The following ZZEF1 variants were observed in gnomAD, a reference collection of about 807,000 sequenced individuals.
ZZEF1 encodes zinc finger ZZ-type and EF-hand domain-containing protein 1.
A neutral mutation model predicts 342.8 loss-of-function variants in ZZEF1; 157 were observed. The ratio of observed to expected loss-of-function variants is 0.46; its 90% CI spans 0.40 to 0.52. The LOEUF (loss-of-function observed/expected upper bound fraction) is 0.52. Ranked by LOEUF, ZZEF1 falls within the 20% of genes least tolerant of loss-of-function variation. ZZEF1 has a pLI of 0.00. For missense variants in ZZEF1, 3,480 were observed against 3,725.6 expected, an observed-to-expected ratio of 0.93 and a Z score of 1.72; for synonymous variants, 1,505 against 1,429.1, an observed-to-expected ratio of 1.05 and a Z score of -1.20.
At chr17:4,007,121 A>G in intron 54 of ZZEF1, 151 bp from the exon 55 acceptor site, 1 of 675,378 alleles carries the variant, frequency 1.5e-6, no homozygotes. Context: ...CAGAGTGGAG[A>G]GAGAAAAAAA....
At chr17:4,065,850 G>C (rs894312641) in intron 28 of ZZEF1, among the ~76,000 whole-genome samples, 2 of 152,016 alleles carry the variant, frequency 1.3e-5, no homozygotes, top group African/African-American at 4.8e-5. Context: ...TCATAACAAG[G>C]CCAGGTGCAG....
At chr17:4,104,038 T>C (rs1404697600) in intron 8 of ZZEF1, among the ~76,000 whole-genome samples, 1 of 152,144 alleles carries the variant, frequency 6.6e-6, no homozygotes, top group African/African-American at 2.4e-5. Flanking sequence ...TGCACTGCAG[T>C]CTTTTGGGAG....
intron 30 of ZZEF1, among the ~76,000 whole-genome samples, chr17:4,062,115 C>A (rs59572568): frequency 5.3e-5 from 8 of 151,962 alleles, no homozygotes; most frequent in Non-Finnish European, 8.8e-5. Flanking sequence ...TAACTCCCCC[C>A]CTGGAGCCTC....
chr17:4,037,784 T>C (rs879726521), intron 39 of ZZEF1, among the ~76,000 whole-genome samples: 3 of 152,194 alleles, frequency 2.0e-5, no homozygotes, highest in Non-Finnish European at 4.4e-5. Flanking sequence ...AGTCTTGCTA[T>C]GTTTCCCAGG....
chr17:4,065,547 G>A (rs2057375236), intron 28 of ZZEF1, among the ~76,000 whole-genome samples: 1 of 152,092 alleles, frequency 6.6e-6, no homozygotes. Flanking sequence ...AAGTTTTATT[G>A]TAGATGTTTT....
chr17:4,102,695 T>G (rs567931468), intron 8 of ZZEF1, among the ~76,000 whole-genome samples: 1 of 152,304 alleles, frequency 6.6e-6, no homozygotes, highest in Admixed American at 6.5e-5. Flanking sequence ...AAGACATAGG[T>G]TGATAACATA....
intron 23 of ZZEF1, 138 bp downstream of exon 23, chr17:4,074,959 G>T: frequency 1.1e-6 from 1 of 912,814 alleles, no homozygotes; most frequent in Non-Finnish European, 1.7e-6. Flanking sequence ...GTCAAACTCT[G>T]ATATAAATCC....
chr17:4,048,580 C>A (rs1387164715), intron 37 of ZZEF1, among the ~76,000 whole-genome samples: 2 of 152,310 alleles, frequency 1.3e-5, no homozygotes, highest in East Asian at 3.9e-4. Flanking sequence ...TCCAGAATAG[C>A]TTTTCTGTTT....
intron 2 of ZZEF1, 21 bp downstream of exon 2, chr17:4,123,886 G>C: frequency 1.2e-6 from 2 of 1,608,952 alleles, no homozygotes; most frequent in Non-Finnish European, 1.7e-6. Flanking sequence ...TTCTAAGACA[G>C]CACCTAGATG....
At chr17:4,135,122 G>A (rs2058728245) in intron 1 of ZZEF1, among the ~76,000 whole-genome samples, 2 of 152,162 alleles carry the variant, frequency 1.3e-5, no homozygotes, top group South Asian at 2.1e-4. Context: ...GGTGGAGGGC[G>A]CTGATCACCC....
chr17:4,076,660 C>T lies in ZZEF1; in HGVS notation c.3211G>A (p.Gly1071Ser), dbSNP rs756133946. The change falls in exon 21 of 55, where the codon GGC becomes AGC. Residue 1071 changes from glycine to serine, a missense_variant. By Grantham distance (56) the Gly-to-Ser change is moderately conservative (BLOSUM62 0). This residue lies in a region of ZZEF1 where 1,528 missense variants were observed against 1,624.1 expected (regional missense o/e 0.94). Transcript: ENST00000381638. ...ACCTTCCTCAGTCCTCCTTCGGGGCCACTACAGAGCTTCTTCAGGAGTTCT... is the reference window on the plus strand; with the variant it reads ...ACCTTCCTCAGTCCTCCTTCGGGGCTACTACAGAGCTTCTTCAGGAGTTCT... ...LTELLKKLCSGPEGGLRKLDV... is the reference protein window; with the variant it reads ...LTELLKKLCSSPEGGLRKLDV... The T allele has an allele frequency of 1.3e-5, 21 of 1,612,012 alleles. No homozygotes were observed. Among genetic ancestry groups the T allele is most frequent in the Admixed American group, 5.0e-5 (3 of 59,956 alleles).
intron 33 of ZZEF1, among the ~76,000 whole-genome samples, chr17:4,055,582 C>T (rs998895839): frequency 6.6e-6 from 1 of 152,222 alleles, no homozygotes; most frequent in Admixed American, 6.5e-5. Flanking sequence ...TGCTTGTCTA[C>T]AGGAAGAGAA....
Position 4,014,501 on chromosome 17 carries a change from A to G in ZZEF1, c.8160T>C (p.Ile2720=), listed in dbSNP as rs1364138045. Residue 2720 remains isoleucine (I), a synonymous_variant, in exon 50 of 55, where the codon ATT becomes ATC. Coordinates refer to ENST00000381638, the MANE Select transcript of ZZEF1 (RefSeq NM_015113.4). This position sits in a 1 kb window ranked among gnomAD's most constrained non-coding sequence, Gnocchi z 4.4. ...TGATTGAGAGGTAGATGGCACCAGGAATGTGAACTTTATCCTAGGGAGGGG... is the reference window on the plus strand; with the variant it reads ...TGATTGAGAGGTAGATGGCACCAGGGATGTGAACTTTATCCTAGGGAGGGG... ...NNTNFEDKVH[I]PGAIYLSIKF... is the part of the protein sequence containing the mutation. The G allele has an allele frequency of 6.2e-7, 1 of 1,614,192 alleles. No individual in the cohort carries two copies. Among genetic ancestry groups the G allele is most frequent in the Admixed American group, 1.7e-5 (1 of 60,020 alleles).
chr17:4,013,299 G>C, intron 52 of ZZEF1, 150 bp downstream of exon 52: 1 of 715,968 alleles, frequency 1.4e-6, no homozygotes, highest in Admixed American at 3.7e-5. Flanking sequence ...CACCAAGAAC[G>C]CTAGCATAAA....
At chr17:4,039,740 T>G (rs973731967) in intron 39 of ZZEF1, among the ~76,000 whole-genome samples, 1 of 145,220 alleles carries the variant, frequency 6.9e-6, no homozygotes, top group African/African-American at 2.6e-5. Flanking sequence ...GCCTCCCGGG[T>G]TCACGCCATT....
intron 42 of ZZEF1, among the ~76,000 whole-genome samples, chr17:4,027,381 G>A (rs1370864892): frequency 2.3e-5 from 3 of 130,550 alleles, no homozygotes; most frequent in African/African-American, 5.7e-5. Flanking sequence ...TGCAACCTCC[G>A]CCTCCCTGGT....
chr17:4,117,082 A>G lies in ZZEF1; in HGVS notation c.584T>C (p.Leu195Pro), dbSNP rs898690386. Residue 195 changes from leucine to proline, a missense_variant, in exon 3 of 55, where the codon CTC (leucine) becomes CCC (proline). Around this residue, in one of 5 missense-constraint regions of ZZEF1, gnomAD observed 416 missense variants for 374.2 expected, o/e 1.11. Coordinates refer to ENST00000381638, the MANE Select transcript of ZZEF1 (RefSeq NM_015113.4). ...CGGGTAGGGCATCACCGCGCTGGAGAGCCGATTGCGGTGCAGGAAGCGCAG... is the reference window on the plus strand; with the variant it reads ...CGGGTAGGGCATCACCGCGCTGGAGGGCCGATTGCGGTGCAGGAAGCGCAG... ...MILRFLHRNRLSSAVMPYPML... is the reference protein window; with the variant it reads ...MILRFLHRNRPSSAVMPYPML... 5.0e-6 allele frequency: 8 copies of G among 1,614,044 alleles called. No homozygotes were observed. The highest frequency in any genetic ancestry group is 4.0e-5 in the African/African-American group (3 of 74,932).
At chr17:4,080,987 A>G (rs2057712957) in intron 18 of ZZEF1, among the ~76,000 whole-genome samples, 1 of 152,144 alleles carries the variant, frequency 6.6e-6, no homozygotes, top group Admixed American at 6.5e-5. Context: ...CTATAATCCC[A>G]ACACTTTGGG....
intron 11 of ZZEF1, among the ~76,000 whole-genome samples, chr17:4,092,787 G>C (rs1332123093): frequency 6.6e-6 from 1 of 151,988 alleles, no homozygotes; most frequent in Admixed American, 6.6e-5. Context: ...TCGAGATACA[G>C]AAAGCTGGCA....
Sources: gnomAD v4.1 joint callset for allele counts (sites outside exome capture counted in the v4.1 genomes callset) on GRCh38, gnomAD v4.1.1 for gene constraint, gnomAD v4.1.1 regional missense constraint, Gnocchi (gnomAD v3.1) non-coding constraint, MANE v1.5 for transcripts, NCBI Gene and HGNC (gene_info 2026-07-23, HGNC 2026-07-21) for gene names.